The following BCAR1 variants were observed in gnomAD, a reference collection of about 807,000 sequenced individuals.
BCAR1 encodes the protein breast cancer anti-estrogen resistance protein 1.
A neutral mutation model predicts 67.6 loss-of-function variants in BCAR1; 30 were observed. The observed-to-expected ratio is 0.44, with a 90% CI of 0.33 to 0.60. BCAR1 has a LOEUF of 0.60. Among genes scored for constraint, BCAR1 ranks in the 20% least tolerant of loss-of-function variants. The pLI, the probability that BCAR1 is intolerant of heterozygous loss-of-function variation, is 0.02. For missense variants in BCAR1, 1,313 were observed against 1,222.3 expected, an observed-to-expected ratio of 1.07 and a Z score of -1.11; for synonymous variants, 626 against 556.7, an observed-to-expected ratio of 1.12 and a Z score of -1.75.
rs145141523 is a variant in BCAR1, at chr16:75,229,918, G to A, written c.2206C>T (p.Leu736=). The change falls in exon 7 of 7, where the codon CTG becomes TTG. Residue 736 remains leucine (L), a synonymous_variant. Coordinates refer to ENST00000162330, the MANE Select transcript of BCAR1 (RefSeq NM_014567.5). ...QPLAPGRTGG[L]GPSDRQLLLF... is the part of the protein sequence containing the mutation. ...AGCAGCTGCCGGTCCGAGGGCCCCA[G>A]GCCGCCTGTTCGCCCCGGGGCCAGG... 26,940 of 1,607,978 alleles carry A rather than the reference G, an allele frequency of 0.017. 316 individuals are homozygous for A. Among genetic ancestry groups the A allele is most frequent in the Non-Finnish European group, 0.021 (24,659 of 1,175,816 alleles).
chr16:75,267,830 C>G, intron 1 of BCAR1: 1 of 1,433,078 alleles, frequency 7.0e-7, no homozygotes, highest in Non-Finnish European at 9.6e-7. Context: ...CTGCCTCTTA[C>G]CGCCCCAGGG....
chr16:75,244,542 T>C (rs900105175), intron 1 of BCAR1, among the ~76,000 whole-genome samples: 2 of 152,336 alleles, frequency 1.3e-5, no homozygotes, highest in African/African-American at 4.8e-5. Flanking sequence ...GCGGCCTGGG[T>C]AGGCAGTAGT....
At chr16:75,262,773 C>T (rs962522582) in intron 1 of BCAR1, among the ~76,000 whole-genome samples, 1 of 152,214 alleles carries the variant, frequency 6.6e-6, no homozygotes, top group Non-Finnish European at 1.5e-5. Context: ...CCATCTACCA[C>T]TGCTGGGGCT....
intron 2 of BCAR1, among the ~76,000 whole-genome samples, chr16:75,241,231 G>A (rs2077328751): frequency 6.6e-6 from 1 of 152,220 alleles, no homozygotes; most frequent in Non-Finnish European, 1.5e-5. Flanking sequence ...GTGCGCATGT[G>A]TGGGCGTATA....
At chr16:75,245,976 T>C (rs2077509190) in intron 1 of BCAR1, 1 of 127,252 alleles carries the variant, frequency 7.9e-6, no homozygotes, top group Non-Finnish European at 1.7e-5. Flanking sequence ...TTTTTTTTTT[T>C]TTTTTTTTTT....
Position 75,236,892 on chromosome 16 carries a change from T to A in BCAR1, c.902A>T (p.Asn301Ile), listed in dbSNP as rs199640997. The A allele has an allele frequency of 3.1e-6, 5 of 1,612,322 alleles. No homozygotes were observed. The highest frequency in any genetic ancestry group is 4.2e-6 in the Non-Finnish European group (5 of 1,179,330). ...CTGGCATTTGCTCACTGCGTGGTGG[T>A]TGGACGGTGGCAGGCCCTTCTCCAC... Reference protein sequence around the residue: ...PSVEKGLPPSNHHAVYDVPPS... With the variant: ...PSVEKGLPPSIHHAVYDVPPS... Residue 301 changes from asparagine to isoleucine, a missense_variant, in exon 4 of 7, where the codon AAC (asparagine) becomes ATC (isoleucine). By Grantham distance (149) the Asn-to-Ile change is moderately radical (BLOSUM62 -3). Coordinates refer to ENST00000162330, the MANE Select transcript of BCAR1 (RefSeq NM_014567.5).
At chr16:75,251,394 T>C (rs1245480273) in intron 1 of BCAR1, 77 bp downstream of exon 1, 23 of 1,464,228 alleles carry the variant, frequency 1.6e-5, no homozygotes, top group Non-Finnish European at 1.9e-5. Context: ...CGGCAGGAAA[T>C]GCCGCTCGCT....
chr16:75,262,608 G>A (rs2077929619), intron 1 of BCAR1, among the ~76,000 whole-genome samples: 1 of 152,162 alleles, frequency 6.6e-6, no homozygotes. Flanking sequence ...CACTCTCTCT[G>A]TCCACTGCCT....
intron 1 of BCAR1, among the ~76,000 whole-genome samples, chr16:75,260,453 G>A (rs2077879810): frequency 6.6e-6 from 1 of 152,044 alleles, no homozygotes; most frequent in African/African-American, 2.4e-5. Flanking sequence ...GGCCAACATG[G>A]TGAAACCGTG....
At chr16:75,252,113 AATC>A, upstream of BCAR1, 2 of 1,359,734 alleles carry the variant, frequency 1.5e-6, no homozygotes, top group South Asian at 2.5e-5. Context: ...GTAGGAGACG[AATC>A]ATCACCACCA....
intron 1 of BCAR1, chr16:75,248,140 C>T: frequency 6.3e-7 from 1 of 1,594,278 alleles, no homozygotes; most frequent in South Asian, 1.1e-5. Context: ...GAGGCCGACC[C>T]CAGGCTGAGA....
At chr16:75,248,280 C>T in intron 1 of BCAR1, 3 of 1,444,954 alleles carry the variant, frequency 2.1e-6, no homozygotes, top group Non-Finnish European at 2.7e-6. Flanking sequence ...ACACATGCAC[C>T]CGCCCCAGCA....
upstream of BCAR1, among the ~76,000 whole-genome samples, chr16:75,253,753 G>C (rs2077724296): frequency 6.6e-6 from 1 of 150,840 alleles, no homozygotes; most frequent in Non-Finnish European, 1.5e-5. Flanking sequence ...GGGGGTGGGG[G>C]AGGAGCACCC....
At chr16:75,247,379 G>C (rs947773697) in intron 1 of BCAR1, 1 of 153,294 alleles carries the variant, frequency 6.5e-6, no homozygotes, top group African/African-American at 2.4e-5. Context: ...GCCTGGCTCT[G>C]AGAATGGCCC....
chr16:75,262,785 G>C (rs978550195), intron 1 of BCAR1, among the ~76,000 whole-genome samples: 8 of 152,186 alleles, frequency 5.3e-5, no homozygotes, highest in Admixed American at 5.2e-4. Context: ...GCTGGGGCTG[G>C]CTGGGGCTAG....
At chr16:75,264,675 T>C in intron 1 of BCAR1, 1 of 1,248,340 alleles carries the variant, frequency 8.0e-7, no homozygotes, top group Middle Eastern at 3.0e-4. Flanking sequence ...TGCTTTGCAC[T>C]TGGCCAGCTT....
At chr16:75,245,553 C>A (rs1039654399) in intron 1 of BCAR1, among the ~76,000 whole-genome samples, 1 of 152,206 alleles carries the variant, frequency 6.6e-6, no homozygotes, top group South Asian at 2.1e-4. Context: ...CCCAGGTGAG[C>A]GGCTGGGGCC....
At chr16:75,266,517 C>G (rs1567629373) in intron 1 of BCAR1, 1 of 390,842 alleles carries the variant, frequency 2.6e-6, no homozygotes, top group Non-Finnish European at 4.5e-6. Context: ...GGAAGACGAG[C>G]CTTCGTGGGC....
At chr16:75,261,056 A>G (rs1376759890) in intron 1 of BCAR1, among the ~76,000 whole-genome samples, 1 of 152,244 alleles carries the variant, frequency 6.6e-6, no homozygotes, top group Non-Finnish European at 1.5e-5. Flanking sequence ...CTTGGAGAAG[A>G]GATTAACTTC....
Sources: gnomAD v4.1 joint callset for allele counts (sites outside exome capture counted in the v4.1 genomes callset) on GRCh38, gnomAD v4.1.1 for gene constraint, MANE v1.5 for transcripts, NCBI Gene and HGNC (gene_info 2026-07-23, HGNC 2026-07-21) for gene names.